The following TNFRSF8 variants were observed in gnomAD, a reference collection of about 807,000 sequenced individuals.
TNFRSF8 encodes tumor necrosis factor receptor superfamily member 8.
Under a neutral mutation model 70.8 loss-of-function variants are expected in TNFRSF8, and 26 were observed. That is an observed-to-expected ratio of 0.37 (90% CI 0.27 to 0.51). The LOEUF (loss-of-function observed/expected upper bound fraction) is 0.51. Ranked by LOEUF, TNFRSF8 falls within the 20% of genes least tolerant of loss-of-function variation. The probability of loss-of-function intolerance (pLI) is 0.94; values close to 1 mark genes in which losing one functional copy is unlikely to be tolerated. For missense variants in TNFRSF8, 720 were observed against 807.9 expected (o/e 0.89, Z 1.32); for synonymous variants, 356 against 339.2 (o/e 1.05, Z -0.54).
intron 2 of TNFRSF8, among the ~76,000 whole-genome samples, chr1:12,086,795 TTCTC>T (rs1372529764): frequency 1.3e-5 from 2 of 151,492 alleles, no homozygotes; most frequent in Non-Finnish European, 2.9e-5. Flanking sequence ...CTCTCTCTCT[TTCTC>T]TCTCTTTCCC....
intron 2 of TNFRSF8, among the ~76,000 whole-genome samples, chr1:12,096,423 C>T (rs1476878409): frequency 2.3e-4 from 15 of 65,700 alleles, no homozygotes; most frequent in Non-Finnish European, 2.7e-4. Flanking sequence ...AGCTGATGAG[C>T]TAAAAAAAAA....
rs778884146 is a variant in TNFRSF8 at position 12,110,025 on chromosome 1, C to T, written c.513-16C>T. 6.2e-7 allele frequency: 1 copy of T among 1,611,320 alleles called. No homozygotes were observed. The highest frequency in any genetic ancestry group is 8.5e-7 in the Non-Finnish European group (1 of 1,178,648). ...ATTGGCAGAATTATCAGTCCCATCTCTGGCTTCTTCCCCAGTGGCACCATC... is the reference window on the plus strand; with the variant it reads ...ATTGGCAGAATTATCAGTCCCATCTTTGGCTTCTTCCCCAGTGGCACCATC... On this transcript the variant is annotated splice_polypyrimidine_tract_variant and intron_variant, in intron 5 of 14. Transcript: ENST00000263932. The surrounding 1 kb of genome is among the most constrained non-coding windows in gnomAD (Gnocchi z 4.0).
intron 12 of TNFRSF8, among the ~76,000 whole-genome samples, chr1:12,134,788 A>G (rs1350678434): frequency 1.3e-5 from 2 of 152,188 alleles, no homozygotes; most frequent in Non-Finnish European, 2.9e-5. Context: ...TCCTGTCTCC[A>G]TGACCTGCCT....
intron 2 of TNFRSF8, among the ~76,000 whole-genome samples, chr1:12,087,877 C>T (rs1016606012): frequency 6.6e-6 from 1 of 152,124 alleles, no homozygotes; most frequent in African/African-American, 2.4e-5. Context: ...CTCTCTAAGG[C>T]CCAGTGCTGG....
chr1:12,079,292 G>A (rs567351057), intron 1 of TNFRSF8, among the ~76,000 whole-genome samples: 5 of 152,322 alleles, frequency 3.3e-5, no homozygotes, highest in Admixed American at 2.0e-4. Flanking sequence ...AAGGTGGGGC[G>A]GAGGGCCTCC....
At chr1:12,131,441 C>T (rs1445637005) in intron 12 of TNFRSF8, among the ~76,000 whole-genome samples, 1 of 152,190 alleles carries the variant, frequency 6.6e-6, no homozygotes, top group African/African-American at 2.4e-5. Flanking sequence ...CAGAGCGAGC[C>T]TCCGTCTCAA....
chr1:12,126,746 A>G (rs1641948369), intron 12 of TNFRSF8, among the ~76,000 whole-genome samples: 1 of 152,210 alleles, frequency 6.6e-6, no homozygotes, highest in African/African-American at 2.4e-5. Flanking sequence ...ACCCTGGGTG[A>G]GTTACTGAAT....
rs569211989 is a variant in TNFRSF8 at position 12,112,635 on chromosome 1, G to A, written c.793+621G>A. 2.6e-4 allele frequency among the ~76,000 whole-genome samples: 40 copies of A among 152,144 alleles called. 1 individual carries two copies. The highest frequency in any genetic ancestry group is 7.7e-4 in the African/African-American group (32 of 41,494). ...GCTCTCGAACTCCTGGACTCAAATG[G>A]TCCTCCCACCTTGGCTTCCTAAATT... On this transcript the variant is annotated intron_variant, in intron 7 of 14. Coordinates refer to ENST00000263932, the MANE Select transcript of TNFRSF8 (RefSeq NM_001243.5). The surrounding 1 kb of genome is among the most constrained non-coding windows in gnomAD (Gnocchi z 5.3).
chr1:12,089,632 T>C (rs1641213534), intron 2 of TNFRSF8, among the ~76,000 whole-genome samples: 1 of 152,128 alleles, frequency 6.6e-6, no homozygotes, highest in East Asian at 1.9e-4. Context: ...TAGGGTTATT[T>C]GGGGGAGAGA....
intron 4 of TNFRSF8, among the ~76,000 whole-genome samples, chr1:12,105,332 AC>A (rs1641500572): frequency 6.6e-6 from 1 of 151,702 alleles, no homozygotes; most frequent in Admixed American, 6.6e-5. Flanking sequence ...ATTGGCAGTC[AC>A]CCCCATCGCT....
intron 12 of TNFRSF8, among the ~76,000 whole-genome samples, chr1:12,134,916 C>T (rs1642116864): frequency 6.6e-6 from 1 of 152,176 alleles, no homozygotes; most frequent in South Asian, 2.1e-4. Flanking sequence ...GTGGAAGCCT[C>T]CTGGGCTCTG....
intron 1 of TNFRSF8, among the ~76,000 whole-genome samples, chr1:12,079,666 C>T (rs1387854127): frequency 2.0e-5 from 3 of 152,170 alleles, no homozygotes; most frequent in Non-Finnish European, 4.4e-5. Flanking sequence ...AAAATGGGGC[C>T]CTAAGTCCTC....
At chr1:12,082,585 CCCCACAAAAA>C (rs1306021511) in intron 1 of TNFRSF8, among the ~76,000 whole-genome samples, 1 of 151,020 alleles carries the variant, frequency 6.6e-6, no homozygotes, top group African/African-American at 2.4e-5. Flanking sequence ...CAAAAAAAAC[CCCCACAAAAA>C]CCCACAAAAC....
intron 1 of TNFRSF8, chr1:12,080,362 C>A: frequency 1.9e-6 from 1 of 524,418 alleles, no homozygotes; most frequent in South Asian, 1.4e-5. Context: ...TGGCCACATC[C>A]ATGCCATAGA....
chr1:12,089,607 G>A (rs1169740567), intron 2 of TNFRSF8, among the ~76,000 whole-genome samples: 3 of 152,184 alleles, frequency 2.0e-5, no homozygotes, highest in Admixed American at 1.3e-4. Context: ...AGCATTTATT[G>A]AGCTCTGTTG....
chr1:12,087,943 A>G (rs987916480), intron 2 of TNFRSF8, among the ~76,000 whole-genome samples: 5 of 151,816 alleles, frequency 3.3e-5, no homozygotes, highest in African/African-American at 4.8e-5. Flanking sequence ...CTGGTGTTTT[A>G]TTGACCTTGT....
At chr1:12,131,030 T>C (rs148395455) in intron 12 of TNFRSF8, among the ~76,000 whole-genome samples, 1 of 152,354 alleles carries the variant, frequency 6.6e-6, no homozygotes, top group African/African-American at 2.4e-5. Flanking sequence ...GGTATTGAAC[T>C]CTGACTTTCC....
intron 3 of TNFRSF8, among the ~76,000 whole-genome samples, chr1:12,100,431 T>G (rs1641402195): frequency 6.7e-6 from 1 of 149,144 alleles, no homozygotes; most frequent in Non-Finnish European, 1.5e-5. Flanking sequence ...CTTTAACTTT[T>G]TAAACTTTTG....
chr1:12,129,617 T>C (rs1245242055), intron 12 of TNFRSF8, among the ~76,000 whole-genome samples: 2 of 152,160 alleles, frequency 1.3e-5, no homozygotes, highest in Admixed American at 6.5e-5. Context: ...GGATGCTCCT[T>C]GCTTTGGGTT....
Sources: gnomAD v4.1 joint callset for allele counts (sites outside exome capture counted in the v4.1 genomes callset) on GRCh38, gnomAD v4.1.1 for gene constraint, Gnocchi (gnomAD v3.1) non-coding constraint, MANE v1.5 for transcripts, NCBI Gene and HGNC (gene_info 2026-07-23, HGNC 2026-07-21) for gene names.